HCN2: variants seen among roughly 807,000 people sequenced by gnomAD.
HCN2 encodes the protein potassium/sodium hyperpolarization-activated cyclic nucleotide-gated channel 2.
A neutral mutation model predicts 52.3 loss-of-function variants in HCN2; 20 were observed. The observed-to-expected ratio is 0.38, with a 90% CI of 0.27 to 0.56. HCN2 has a LOEUF of 0.56. Among genes scored for constraint, HCN2 ranks in the 20% least tolerant of loss-of-function variants. HCN2 has a pLI of 0.71. For missense variants in HCN2, 981 were observed against 1,207.7 expected, an observed-to-expected ratio of 0.81 and a Z score of 2.78; for synonymous variants, 694 against 537.0, an observed-to-expected ratio of 1.29 and a Z score of -4.04.
At chr19:594,862 C>G in intron 1 of HCN2, among the ~76,000 whole-genome samples, 1 of 152,048 alleles carries the variant, frequency 6.6e-6, no homozygotes, top group East Asian at 1.9e-4. Flanking sequence ...GTGGCCAAGG[C>G]CTCCCCGCTC....
At chr19:611,823 G>A (rs1244717684) in intron 5 of HCN2, among the ~76,000 whole-genome samples, 1 of 152,124 alleles carries the variant, frequency 6.6e-6, no homozygotes, top group African/African-American at 2.4e-5. Flanking sequence ...CATTATTTAG[G>A]TGTTTAGGAG....
chr19:600,034 C>G (rs932469750), intron 1 of HCN2, among the ~76,000 whole-genome samples: 1 of 152,096 alleles, frequency 6.6e-6, no homozygotes, highest in African/African-American at 2.4e-5. Context: ...ATGGCAAAAT[C>G]CTATGAATCT....
At position 590,135 on chromosome 19, in the gene HCN2, G is replaced by A; in HGVS notation, c.190G>A (p.Glu64Lys). ...HPPRAEALPP[E>K]AADEGGPRGR... ...GCCCCGGGCCGAGGCGTTGCCCCCG[G>A]AGGCGGCGGATGAGGGCGGCCCGCG... The change falls in exon 1 of 8, where the codon GAG becomes AAG. Residue 64 changes from glutamate to lysine, a missense_variant. Glu to Lys is a moderately conservative substitution (Grantham distance 56). Around this residue, in one of 6 missense-constraint regions of HCN2, gnomAD observed 215 missense variants for 179.4 expected, o/e 1.20. Transcript: ENST00000251287. This position sits in a 1 kb window ranked among gnomAD's most constrained non-coding sequence, Gnocchi z 7.2. 2 of 946,364 alleles carry A rather than the reference G, an allele frequency of 2.1e-6. No individual in the cohort carries two copies. Among genetic ancestry groups the A allele is most frequent in the Non-Finnish European group, 2.5e-6 (2 of 798,772 alleles). The allele number at this position is 946,364 out of a possible 1,614,324, so 58.6% of individuals were successfully genotyped here. A position where few individuals can be genotyped will look rare whatever the true frequency, so the allele number is the denominator to read the frequency against.
At chr19:607,842 C>T in intron 3 of HCN2, 122 bp from the exon 4 acceptor site, 1 of 686,994 alleles carries the variant, frequency 1.5e-6, no homozygotes, top group Admixed American at 2.4e-5. Flanking sequence ...TTGGTTACCT[C>T]TGAACATGGG....
chr19:600,392 G>A (rs1279491683), intron 1 of HCN2, among the ~76,000 whole-genome samples: 1 of 151,702 alleles, frequency 6.6e-6, no homozygotes, highest in Non-Finnish European at 1.5e-5. Flanking sequence ...CCAGGCTGGA[G>A]TGCCATGGCG....
At chr19:605,895 AGG>A (rs1420406638) in intron 3 of HCN2, among the ~76,000 whole-genome samples, 1 of 150,930 alleles carries the variant, frequency 6.6e-6, no homozygotes, top group Non-Finnish European at 1.5e-5. Context: ...CTCTTTACAG[AGG>A]GGGACCCAGG....
chr19:613,966 T>G lies in HCN2; in HGVS notation c.1940T>G (p.Met647Arg). Residue 647 changes from methionine to arginine, a missense_variant, in exon 7 of 8, where the codon ATG becomes AGG. Physicochemically the swap from Met to Arg is moderately conservative, Grantham distance 91. This residue lies in a region of HCN2 where 85 missense variants were observed against 106.1 expected (regional missense o/e 0.80). Coordinates refer to ENST00000251287, the MANE Select transcript of HCN2 (RefSeq NM_001194.4). ...NFNEVLEEYP[M>R]MRRAFETVAI... is the part of the protein sequence containing the mutation. ...AACGAGGTGCTGGAGGAGTACCCCA[T>G]GATGCGGCGCGCCTTCGAGACGGTG... 6.9e-7 allele frequency: 1 copy of G among 1,445,786 alleles called. No individual in the cohort carries two copies. The highest frequency in any genetic ancestry group is 9.2e-7 in the Non-Finnish European group (1 of 1,082,492). 89.6% of individuals were successfully genotyped at this position (1,445,786 alleles called of 1,614,324 possible).
chr19:594,699 G>A (rs1383301230), intron 1 of HCN2, among the ~76,000 whole-genome samples: 1 of 152,136 alleles, frequency 6.6e-6, no homozygotes, highest in Admixed American at 6.5e-5. Flanking sequence ...ATCCTGGGGG[G>A]ATGGCCCCGG....
chr19:617,126 C>CCAAA lies in HCN2; in HGVS notation c.*652_*653insCAAA. The CCAAA allele has an allele frequency of 1.3e-6, 1 of 763,880 alleles. No homozygotes were observed. Among genetic ancestry groups the CCAAA allele is most frequent in the Non-Finnish European group, 2.1e-6 (1 of 465,886 alleles). 47.3% of individuals were successfully genotyped at this position (763,880 alleles called of 1,614,324 possible). A position where few individuals can be genotyped will look rare whatever the true frequency, so the allele number is the denominator to read the frequency against. Reference sequence around the variant, plus strand: ...CACGCCCCATTAACCCCCACACCCCCATTCCGCGCAATAAACGACAGCATT... The same window carrying CCAAA: ...CACGCCCCATTAACCCCCACACCCCCCAAAATTCCGCGCAATAAACGACAGCATT... On this transcript the variant is annotated 3_prime_UTR_variant, in exon 8 of 8. Transcript: ENST00000251287.
Position 615,865 on chromosome 19 carries a change from G to T in HCN2, c.2061G>T (p.Glu687Asp). ...DLNSGVFNNQ[E>D]NAIIQEIVKY... ...ACTCGGGCGTATTCAACAACCAGGAGAACGCCATCATCCAGGAGATCGTCA... is the reference window on the plus strand; with the variant it reads ...ACTCGGGCGTATTCAACAACCAGGATAACGCCATCATCCAGGAGATCGTCA... The change falls in exon 8 of 8, where the codon GAG becomes GAT. Residue 687 changes from glutamate to aspartate, a missense_variant. Physicochemically the swap from Glu to Asp is conservative, Grantham distance 45. Transcript: ENST00000251287. The T allele has an allele frequency of 6.2e-7, 1 of 1,613,132 alleles. No homozygotes were observed. Among genetic ancestry groups the T allele is most frequent in the Non-Finnish European group, 8.5e-7 (1 of 1,179,898 alleles).
chr19:598,671 G>A (rs960069679), intron 1 of HCN2, among the ~76,000 whole-genome samples: 2 of 152,108 alleles, frequency 1.3e-5, no homozygotes, highest in Admixed American at 6.5e-5. Context: ...GCGCGATCTC[G>A]GCTCACTGCA....
At chr19:610,785 C>T (rs1217400168) in intron 5 of HCN2, among the ~76,000 whole-genome samples, 2 of 152,148 alleles carry the variant, frequency 1.3e-5, no homozygotes, top group African/African-American at 2.4e-5. Context: ...GCCTGAGTGA[C>T]CCTGGGCAAG....
chr19:602,588 G>A (rs1039074402), intron 1 of HCN2, among the ~76,000 whole-genome samples: 2 of 152,252 alleles, frequency 1.3e-5, no homozygotes, highest in Non-Finnish European at 1.5e-5. Context: ...CTGGCTTCCC[G>A]CCTTCGCTCT....
Position 608,067 on chromosome 19 carries a change from T to A in HCN2, c.1322T>A (p.Ile441Asn), listed in dbSNP as rs780321063. The A allele has an allele frequency of 1.2e-6, 2 of 1,613,140 alleles. No individual in the cohort carries two copies. Among genetic ancestry groups the A allele is most frequent in the Non-Finnish European group, 1.7e-6 (2 of 1,180,006 alleles). ...GRQAPESMTDIWLTMLSMIVG... is the reference protein window; with the variant it reads ...GRQAPESMTDNWLTMLSMIVG... ...CAGGCGCCCGAGAGCATGACGGACA[T>A]CTGGCTGACCATGCTCAGCATGATT... is the stretch of plus-strand genomic sequence containing the variant. Residue 441 changes from isoleucine to asparagine, a missense_variant, in exon 4 of 8, where the codon ATC becomes AAC. Coordinates refer to ENST00000251287, the MANE Select transcript of HCN2 (RefSeq NM_001194.4).
Position 589,906 on chromosome 19 carries a change from G to C in HCN2, c.-40G>C. 1.2e-6 allele frequency: 1 copy of C among 843,742 alleles called. No individual in the cohort carries two copies. Among genetic ancestry groups the C allele is most frequent in the Non-Finnish European group, 1.4e-6 (1 of 714,070 alleles). The allele number at this position is 843,742 out of a possible 1,614,324, so 52.3% of individuals were successfully genotyped here. On this transcript the variant is annotated 5_prime_UTR_variant, in exon 1 of 8. Coordinates refer to ENST00000251287, the MANE Select transcript of HCN2 (RefSeq NM_001194.4). Reference sequence around the variant, plus strand: ...CCCTCGGGCTCCGGCCGGCGGCGGCGGCGGCGGCTCCGCTCCGCACTGCCC... The same window carrying C: ...CCCTCGGGCTCCGGCCGGCGGCGGCCGCGGCGGCTCCGCTCCGCACTGCCC...
intron 2 of HCN2, among the ~76,000 whole-genome samples, chr19:604,708 TG>T (rs1373847307): frequency 8.5e-3 from 322 of 37,978 alleles, no homozygotes; most frequent in Admixed American, 0.012. Context: ...CGGGTTTTGC[TG>T]GGGCAGGGCC....
At chr19:610,056 C>A (rs1983558024) in intron 4 of HCN2, among the ~76,000 whole-genome samples, 1 of 152,110 alleles carries the variant, frequency 6.6e-6, no homozygotes, top group Non-Finnish European at 1.5e-5. Flanking sequence ...GCCCTGACCC[C>A]CCACAGTACA....
intron 1 of HCN2, among the ~76,000 whole-genome samples, chr19:603,138 C>CA (rs1983268924): frequency 1.5e-5 from 2 of 134,570 alleles, no homozygotes; most frequent in African/African-American, 2.7e-5. Flanking sequence ...GGTGTGGGTG[C>CA]CCCTCGTCCC....
chr19:600,659 TTAG>T (rs1332913330), intron 1 of HCN2, among the ~76,000 whole-genome samples: 46 of 152,192 alleles, frequency 3.0e-4, no homozygotes, highest in African/African-American at 1.7e-4. Flanking sequence ...TTCTGTATTT[TTAG>T]TAGAGACGGG....
Sources: gnomAD v4.1 joint callset for allele counts (sites outside exome capture counted in the v4.1 genomes callset) on GRCh38, gnomAD v4.1.1 for gene constraint, gnomAD v4.1.1 regional missense constraint, Gnocchi (gnomAD v3.1) non-coding constraint, MANE v1.5 for transcripts, NCBI Gene and HGNC (gene_info 2026-07-23, HGNC 2026-07-21) for gene names.